The following PAM variants were observed in gnomAD, a reference collection of about 807,000 sequenced individuals.
PAM encodes the protein peptidylglycine alpha-amidating monooxygenase, also known as peptidyl-glycine alpha-amidating monooxygenase.
In PAM, 72 loss-of-function variants were observed where a neutral mutation model predicts 122.1. The observed-to-expected ratio is 0.59, with a 90% CI of 0.49 to 0.72. PAM has a LOEUF of 0.72. PAM is among the 30% of genes least tolerant of loss of function. PAM has a pLI of 0.00. For synonymous variants in PAM, 389 were observed against 404.4 expected (o/e 0.96, Z 0.46); for missense variants, 1,106 against 1,183.7 (o/e 0.93, Z 0.96).
chr5:102,918,696 T>A (rs1034130207), intron 5 of PAM, among the ~76,000 whole-genome samples: 2 of 152,128 alleles, frequency 1.3e-5, no homozygotes, highest in South Asian at 2.1e-4. Context: ...ATATTTTGTT[T>A]ATACAAATTG....
chr5:102,777,836 T>C (rs1757585706), intron 1 of PAM, among the ~76,000 whole-genome samples: 1 of 152,180 alleles, frequency 6.6e-6, no homozygotes, highest in Non-Finnish European at 1.5e-5. Context: ...AGCTATTGTT[T>C]TCTGTTTTTA....
intron 1 of PAM, among the ~76,000 whole-genome samples, chr5:102,829,632 C>T (rs560598248): frequency 1.7e-4 from 26 of 152,240 alleles, no homozygotes; most frequent in East Asian, 9.7e-4. Flanking sequence ...CCTCGGCCTC[C>T]CAAAATGCTG....
At chr5:102,767,898 G>GT (rs1250126257) in intron 1 of PAM, among the ~76,000 whole-genome samples, 2 of 152,126 alleles carry the variant, frequency 1.3e-5, no homozygotes, top group African/African-American at 2.4e-5. Flanking sequence ...AGAGGTTAAA[G>GT]TAGTTGGCCC....
chr5:102,780,510 A>T (rs139266285), intron 1 of PAM, among the ~76,000 whole-genome samples: 4 of 152,080 alleles, frequency 2.6e-5, no homozygotes, highest in Non-Finnish European at 5.9e-5. Context: ...TTTATTACCT[A>T]TGTGATTTGT....
intron 7 of PAM, among the ~76,000 whole-genome samples, chr5:102,944,496 A>G (rs981279893): frequency 6.6e-6 from 1 of 152,216 alleles, no homozygotes; most frequent in Non-Finnish European, 1.5e-5. Context: ...GGACTTTTGC[A>G]TGATAATGTT....
chr5:102,826,064 T>G (rs6880688), intron 1 of PAM, among the ~76,000 whole-genome samples: 4,044 of 152,264 alleles, frequency 0.027, 108 homozygotes, highest in East Asian at 0.14. Flanking sequence ...GCAAACTGAT[T>G]GTTAACAAAG....
intron 3 of PAM, among the ~76,000 whole-genome samples, chr5:102,872,289 T>C (rs1243927993): frequency 2.0e-5 from 3 of 152,174 alleles, no homozygotes; most frequent in South Asian, 2.1e-4. Context: ...TCACAGCAGA[T>C]ACCCCAGAGC....
At chr5:102,799,827 G>A (rs958694804) in intron 1 of PAM, among the ~76,000 whole-genome samples, 9 of 152,242 alleles carry the variant, frequency 5.9e-5, no homozygotes, top group Admixed American at 2.6e-4. Context: ...AACTCTACCC[G>A]TCTTTTCTCT....
At chr5:103,019,943 T>C in intron 23 of PAM, 100 bp downstream of exon 23, 1 of 791,110 alleles carries the variant, frequency 1.3e-6, no homozygotes, top group Non-Finnish European at 2.3e-6. Context: ...AGGCTAAAAA[T>C]ATAATCTGGT....
intron 1 of PAM, among the ~76,000 whole-genome samples, chr5:102,862,070 T>C (rs991825447): frequency 9.5e-4 from 143 of 150,848 alleles, no homozygotes; most frequent in African/African-American, 3.3e-3. Flanking sequence ...CTCGGGAGGC[T>C]GAGACAGGAG....
chr5:102,851,248 G>T (rs534276957), intron 1 of PAM, among the ~76,000 whole-genome samples: 19 of 152,278 alleles, frequency 1.2e-4, no homozygotes, highest in African/African-American at 4.3e-4. Context: ...TACTTAGGTT[G>T]TGTGTATATG....
At chr5:102,919,194 T>A (rs1005437575) in intron 5 of PAM, among the ~76,000 whole-genome samples, 1 of 152,158 alleles carries the variant, frequency 6.6e-6, no homozygotes, top group Non-Finnish European at 1.5e-5. Flanking sequence ...CTGCTGTGTC[T>A]TTTTAAATGC....
chr5:102,804,360 C>T (rs1765663484), intron 1 of PAM, among the ~76,000 whole-genome samples: 1 of 151,918 alleles, frequency 6.6e-6, no homozygotes, highest in African/African-American at 2.4e-5. Flanking sequence ...TCAGGGAAGC[C>T]AGAACATTAT....
chr5:103,007,172 CACACACACACACATATACAT>C (rs1185342514), intron 19 of PAM, among the ~76,000 whole-genome samples, 161 bp downstream of exon 19: 2 of 139,166 alleles, frequency 1.4e-5, no homozygotes, highest in African/African-American at 5.6e-5. Flanking sequence ...CTCTCACACA[CACACACACACACATATACAT>C]ACACACACAC....
chr5:102,879,736 T>C lies in PAM; in HGVS notation c.210+12343T>C, dbSNP rs190405739. On this transcript the variant is annotated intron_variant, in intron 3 of 25. Transcript: ENST00000438793. ...TTATAAATTACCTAGTCTCAGGTAG[T>C]TCTTTATTAGCAATGCGAGAATGGT... 3.1e-3 allele frequency among the ~76,000 whole-genome samples: 479 copies of C among 152,298 alleles called. 3 individuals are homozygous for C. Among genetic ancestry groups the C allele is most frequent in the Middle Eastern group, 0.02 (6 of 294 alleles).
intron 1 of PAM, among the ~76,000 whole-genome samples, chr5:102,767,065 G>A (rs1007346532): frequency 2.7e-5 from 4 of 149,556 alleles, no homozygotes; most frequent in African/African-American, 9.8e-5. Context: ...GGCCACATGT[G>A]GTTTCATGAA....
intron 1 of PAM, among the ~76,000 whole-genome samples, chr5:102,799,427 A>C (rs922900629): frequency 6.6e-6 from 1 of 152,188 alleles, no homozygotes; most frequent in African/African-American, 2.4e-5. Context: ...GCAAATTTTC[A>C]TGCATAACAC....
At chr5:102,983,436 T>A in intron 15 of PAM, among the ~76,000 whole-genome samples, 1 of 100,050 alleles carries the variant, frequency 1.0e-5, no homozygotes, top group South Asian at 3.5e-4. Flanking sequence ...GATGACAGAG[T>A]GAGACTGTCC....
Position 102,867,300 on chromosome 5 carries a change from C to T in PAM, c.117C>T (p.Ser39=). 1 of 1,602,376 alleles carries T rather than the reference C, an allele frequency of 6.2e-7. No homozygotes were observed. Among genetic ancestry groups the T allele is most frequent in the Non-Finnish European group, 8.5e-7 (1 of 1,169,826 alleles). ...TTAAAGAAACTACCAGACCATTTTCCAATGAATGTCTTGGTACCACCAGAC... is the reference window on the plus strand; with the variant it reads ...TTAAAGAAACTACCAGACCATTTTCTAATGAATGTCTTGGTACCACCAGAC... ...KRFKETTRPF[S]NECLGTTRPV... is the part of the protein sequence containing the mutation. Residue 39 remains serine, a synonymous_variant, in exon 3 of 26, where the codon TCC becomes TCT. Transcript: ENST00000438793.
Sources: gnomAD v4.1 joint callset for allele counts (sites outside exome capture counted in the v4.1 genomes callset) on GRCh38, gnomAD v4.1.1 for gene constraint, MANE v1.5 for transcripts, NCBI Gene and HGNC (gene_info 2026-07-23, HGNC 2026-07-21) for gene names.